The following RBFOX1 variants were observed in gnomAD, a reference collection of about 807,000 sequenced individuals.
RBFOX1 encodes the protein RNA binding protein fox-1 homolog 1.
A neutral mutation model predicts 57.7 loss-of-function variants in RBFOX1; 8 were observed. The observed-to-expected ratio is 0.14, with a 90% CI of 0.08 to 0.25. The LOEUF (loss-of-function observed/expected upper bound fraction) is 0.25, where lower values mean the gene tolerates loss of function less well. RBFOX1 is among the 10% of genes least tolerant of loss of function. The pLI, the probability that RBFOX1 is intolerant of heterozygous loss-of-function variation, is 1.00. For missense variants in RBFOX1, 611 were observed against 548.5 expected (o/e 1.11, Z -1.14); for synonymous variants, 326 against 222.4 (o/e 1.47, Z -4.15).
At chr16:6,936,141 A>G (rs774787889) in intron 3 of RBFOX1, among the ~76,000 whole-genome samples, 1 of 152,268 alleles carries the variant, frequency 6.6e-6, no homozygotes, top group East Asian at 1.9e-4. Context: ...CACTTGATGG[A>G]TGCTGGTCTT....
intron 11 of RBFOX1, among the ~76,000 whole-genome samples, chr16:7,639,871 G>A (rs2062468969): frequency 1.3e-5 from 2 of 152,236 alleles, no homozygotes; most frequent in South Asian, 4.1e-4. Flanking sequence ...CTCAATCATA[G>A]CACTTATCTA....
intron 2 of RBFOX1, among the ~76,000 whole-genome samples, chr16:6,526,623 A>G (rs973365692): frequency 2.6e-5 from 4 of 151,774 alleles, no homozygotes; most frequent in Non-Finnish European, 2.9e-5. Flanking sequence ...GAGGTCAGGA[A>G]ATCAAGACCA....
At chr16:6,886,157 G>A (rs1603636682) in intron 3 of RBFOX1, among the ~76,000 whole-genome samples, 2 of 151,552 alleles carry the variant, frequency 1.3e-5, no homozygotes, top group Non-Finnish European at 1.5e-5. Context: ...CGCCCCCAGG[G>A]TTCAAGTGAC....
At chr16:5,926,731 A>G (rs1290695613) in intron 4 of RBFOX1, among the ~76,000 whole-genome samples, 3 of 152,234 alleles carry the variant, frequency 2.0e-5, no homozygotes, top group South Asian at 2.1e-4. Context: ...ATTCATGAGA[A>G]TCGCTTTTCC....
chr16:5,551,177 C>G (rs1174509485), intron 2 of RBFOX1, among the ~76,000 whole-genome samples: 1 of 152,218 alleles, frequency 6.6e-6, no homozygotes, highest in Non-Finnish European at 1.5e-5. Context: ...AGATAAGTAA[C>G]TGTCTCTGGA....
chr16:5,725,300 A>G (rs1263215304), intron 3 of RBFOX1, among the ~76,000 whole-genome samples: 2 of 152,046 alleles, frequency 1.3e-5, no homozygotes, highest in Admixed American at 1.3e-4. Context: ...CAGAAGTGCA[A>G]TTATGAAGTC....
chr16:5,531,218 C>T (rs1403132443), intron 2 of RBFOX1, among the ~76,000 whole-genome samples: 1 of 152,096 alleles, frequency 6.6e-6, no homozygotes, highest in Non-Finnish European at 1.5e-5. Flanking sequence ...TGTTCGTCAG[C>T]CCACCTCAGG....
chr16:7,277,824 T>C (rs1310987550), intron 4 of RBFOX1, among the ~76,000 whole-genome samples: 1 of 152,066 alleles, frequency 6.6e-6, no homozygotes. Context: ...TTAGTTAACA[T>C]AAGAATTCCC....
chr16:5,528,659 C>A (rs999716101), intron 2 of RBFOX1, among the ~76,000 whole-genome samples: 1 of 150,706 alleles, frequency 6.6e-6, no homozygotes, highest in African/African-American at 2.4e-5. Context: ...CCCCTCCCCT[C>A]CCCTCCTGTC....
At chr16:7,224,701 G>A (rs1231657300) in intron 4 of RBFOX1, among the ~76,000 whole-genome samples, 3 of 152,170 alleles carry the variant, frequency 2.0e-5, no homozygotes, top group African/African-American at 4.8e-5. Flanking sequence ...GGAGAGCAAT[G>A]AATATTCTAA....
chr16:6,072,904 A>G (rs1409567200), intron 1 of RBFOX1, among the ~76,000 whole-genome samples: 1 of 152,212 alleles, frequency 6.6e-6, no homozygotes, highest in Non-Finnish European at 1.5e-5. Context: ...ATGGTTTCAC[A>G]GGCCTATGCT....
intron 3 of RBFOX1, among the ~76,000 whole-genome samples, chr16:5,725,437 A>C (rs2052108307): frequency 6.6e-6 from 1 of 151,564 alleles, no homozygotes; most frequent in African/African-American, 2.4e-5. Context: ...TATTATTTTT[A>C]TTTTTTGTAG....
At chr16:5,650,745 C>G (rs2049208991) in intron 3 of RBFOX1, among the ~76,000 whole-genome samples, 1 of 152,270 alleles carries the variant, frequency 6.6e-6, no homozygotes, top group South Asian at 2.1e-4. Context: ...CCCTCCTTCT[C>G]CCTGTCTTCT....
intron 4 of RBFOX1, among the ~76,000 whole-genome samples, chr16:7,350,323 A>C (rs2097105222): frequency 6.6e-6 from 1 of 152,134 alleles, no homozygotes; most frequent in Non-Finnish European, 1.5e-5. Flanking sequence ...GATGGAATGA[A>C]ATGGGTATGT....
chr16:6,702,148 G>A (rs952630023), intron 3 of RBFOX1, among the ~76,000 whole-genome samples: 8 of 152,108 alleles, frequency 5.3e-5, no homozygotes, highest in Non-Finnish European at 1.2e-4. Flanking sequence ...CAGCAGGGAC[G>A]GAACCAAGCC....
intron 4 of RBFOX1, among the ~76,000 whole-genome samples, chr16:7,315,460 C>CA (rs1281883644): frequency 1.3e-5 from 2 of 151,180 alleles, no homozygotes; most frequent in Non-Finnish European, 3.0e-5. Flanking sequence ...TACCCTACCC[C>CA]CCCCCCCATA....
chr16:6,975,285 A>C (rs2086575685), intron 3 of RBFOX1, among the ~76,000 whole-genome samples: 1 of 149,456 alleles, frequency 6.7e-6, no homozygotes, highest in Non-Finnish European at 1.5e-5. Context: ...TTTTTTTTTG[A>C]GACAGGGTCT....
intron 4 of RBFOX1, chr16:7,304,060 A>G (rs925489462): frequency 5.8e-6 from 2 of 344,102 alleles, no homozygotes; most frequent in Non-Finnish European, 8.2e-6. Context: ...AAGGGAACCA[A>G]CTAGTTTCCA....
chr16:6,591,436 G>A (rs572262529), intron 2 of RBFOX1, among the ~76,000 whole-genome samples: 48 of 152,220 alleles, frequency 3.2e-4, no homozygotes, highest in South Asian at 2.1e-3. Flanking sequence ...TCTGGGTGTC[G>A]TAGTGAGACT....
Sources: allele counts gnomAD v4.1 joint callset (sites outside exome capture counted in the v4.1 genomes callset), GRCh38; gene constraint gnomAD v4.1.1; transcripts MANE v1.5; gene names NCBI Gene and HGNC (gene_info 2026-07-23, HGNC 2026-07-21).